Variants in NEDD8 observed in about 807,000 individuals in gnomAD.
NEDD8 encodes the protein ubiquitin-like protein NEDD8.
Under a neutral mutation model 13.8 loss-of-function variants are expected in NEDD8, and 1 was observed. The ratio of observed to expected loss-of-function variants is 0.07; its 90% confidence interval spans 0.03 to 0.34. The LOEUF is 0.34. Ranked by LOEUF, NEDD8 falls within the 10% of genes least tolerant of loss-of-function variation. NEDD8 has a pLI of 0.99. For synonymous variants in NEDD8, 31 were observed against 33.2 expected (o/e 0.93, Z 0.23); for missense variants, 10 against 95.2 (o/e 0.10, Z 3.73).
chr14:24,217,715 T>C, intron 3 of NEDD8: 1 of 172,070 alleles, frequency 5.8e-6, no homozygotes, highest in South Asian at 1.3e-4. Flanking sequence ...ACTTTAAACA[T>C]AGCCCAAAAA....
At chr14:24,225,680 A>G (rs1380819426) in intron 1 of NEDD8, among the ~76,000 whole-genome samples, 1 of 152,236 alleles carries the variant, frequency 6.6e-6, no homozygotes, top group African/African-American at 2.4e-5. Flanking sequence ...GAACAATTTT[A>G]GAAGATATTC....
intron 1 of NEDD8, among the ~76,000 whole-genome samples, chr14:24,230,985 G>C (rs993110840): frequency 2.0e-5 from 3 of 151,866 alleles, no homozygotes; most frequent in Non-Finnish European, 4.4e-5. Flanking sequence ...GACATCCCAG[G>C]ATCAATCAAT....
At chr14:24,224,021 G>A (rs1337200530) in intron 1 of NEDD8, among the ~76,000 whole-genome samples, 4 of 151,878 alleles carry the variant, frequency 2.6e-5, no homozygotes, top group Admixed American at 2.0e-4. Context: ...TCCACCTCCC[G>A]GGTTCACGCC....
At chr14:24,219,528 A>C (rs2039766827) in intron 1 of NEDD8, among the ~76,000 whole-genome samples, 1 of 151,738 alleles carries the variant, frequency 6.6e-6, no homozygotes, top group African/African-American at 2.4e-5. Context: ...AGAGAAAAGA[A>C]GACAAGAAGT....
intron 1 of NEDD8, among the ~76,000 whole-genome samples, chr14:24,230,366 C>T (rs892189101): frequency 8.1e-5 from 12 of 148,222 alleles, no homozygotes; most frequent in Admixed American, 2.7e-4. Context: ...AACCCTGTCT[C>T]TACTAAAAAT....
At chr14:24,221,615 G>A (rs888138263) in intron 1 of NEDD8, among the ~76,000 whole-genome samples, 1 of 151,250 alleles carries the variant, frequency 6.6e-6, no homozygotes, top group Non-Finnish European at 1.5e-5. Flanking sequence ...TTTATTTTGA[G>A]ATGGAGTTTT....
chr14:24,230,895 G>A (rs1447409064), intron 1 of NEDD8, among the ~76,000 whole-genome samples: 1 of 152,126 alleles, frequency 6.6e-6, no homozygotes, highest in Admixed American at 6.5e-5. Flanking sequence ...TGGGATTACA[G>A]GCGTGAGCCA....
chr14:24,224,843 A>G (rs2039863339), intron 1 of NEDD8, among the ~76,000 whole-genome samples: 1 of 152,202 alleles, frequency 6.6e-6, no homozygotes, highest in African/African-American at 2.4e-5. Flanking sequence ...GGAAATACAG[A>G]GGAAAAGAGG....
intron 1 of NEDD8, among the ~76,000 whole-genome samples, chr14:24,229,282 C>T (rs12887180): frequency 0.34 from 51,557 of 152,078 alleles, 11,215 homozygotes; most frequent in Middle Eastern, 0.54. Flanking sequence ...TGCAATGGCA[C>T]GATCTTGGCT....
chr14:24,231,861 AG>A (rs1430893640), intron 1 of NEDD8: 7 of 214,024 alleles, frequency 3.3e-5, no homozygotes, highest in Non-Finnish European at 5.6e-5. Flanking sequence ...TGGGAGAAGC[AG>A]GTACCCTGGG....
intron 1 of NEDD8, among the ~76,000 whole-genome samples, chr14:24,219,169 A>T (rs1954097688): frequency 6.6e-6 from 1 of 152,112 alleles, no homozygotes; most frequent in Non-Finnish European, 1.5e-5. Context: ...TTTTTAAAAA[A>T]TGCTAGAATT....
At chr14:24,221,427 GCAC>G (rs1357505029) in intron 1 of NEDD8, among the ~76,000 whole-genome samples, 1 of 151,714 alleles carries the variant, frequency 6.6e-6, no homozygotes, top group Non-Finnish European at 1.5e-5. Flanking sequence ...TCACAGGCGG[GCAC>G]CACCACGCCT....
intron 1 of NEDD8, among the ~76,000 whole-genome samples, chr14:24,225,661 A>G (rs1249455011): frequency 6.6e-6 from 1 of 152,234 alleles, no homozygotes; most frequent in Non-Finnish European, 1.5e-5. Context: ...AAGTTGTTTT[A>G]AAGCAGTTGA....
chr14:24,231,359 A>C (rs2040012670), intron 1 of NEDD8, among the ~76,000 whole-genome samples: 1 of 152,166 alleles, frequency 6.6e-6, no homozygotes, highest in Non-Finnish European at 1.5e-5. Flanking sequence ...GGGGAAGAGA[A>C]GGTTAAGAAT....
intron 1 of NEDD8, 118 bp downstream of exon 1, chr14:24,232,132 A>T: frequency 6.5e-7 from 1 of 1,533,684 alleles, no homozygotes. Context: ...CGGAGCCCTG[A>T]GGCAGTCAGC....
At chr14:24,229,285 T>C (rs1213974976) in intron 1 of NEDD8, among the ~76,000 whole-genome samples, 3 of 152,234 alleles carry the variant, frequency 2.0e-5, no homozygotes, top group African/African-American at 7.2e-5. Context: ...AATGGCACGA[T>C]CTTGGCTCAC....
Position 24,217,122 on chromosome 14 carries a change from G to A in NEDD8, c.*5C>T, listed in dbSNP as rs552358568. 6.2e-6 allele frequency: 10 copies of A among 1,608,408 alleles called. No individual in the cohort carries two copies. In the Admixed American group the frequency reaches 6.7e-5, roughly 11 times the overall value. On this transcript the variant is annotated 3_prime_UTR_variant, in exon 4 of 4. Transcript: ENST00000250495. ...ACAGGGTAAAGAGGTAAAATGGAGG[G>A]TCCATCACTGCCTAAGACCACCTCC...
chr14:24,222,476 C>T (rs1280941005), intron 1 of NEDD8, among the ~76,000 whole-genome samples: 2 of 152,062 alleles, frequency 1.3e-5, no homozygotes, highest in Non-Finnish European at 2.9e-5. Context: ...CATTATTATG[C>T]TTTTCTGTAT....
chr14:24,219,088 TATCA>T (rs951554473), intron 1 of NEDD8, among the ~76,000 whole-genome samples: 1 of 152,110 alleles, frequency 6.6e-6, no homozygotes, highest in Non-Finnish European at 1.5e-5. Context: ...TTGTTCTAAA[TATCA>T]ATGCTAGAAA....
Sources: gnomAD v4.1 joint callset for allele counts (sites outside exome capture counted in the v4.1 genomes callset) on GRCh38, gnomAD v4.1.1 for gene constraint, MANE v1.5 for transcripts, NCBI Gene and HGNC (gene_info 2026-07-23, HGNC 2026-07-21) for gene names.